The following FN1 variants were observed in gnomAD, a reference collection of about 807,000 sequenced individuals.
FN1 encodes fibronectin 1.
FN1 carries 106 observed loss-of-function variants against 297.3 expected under a neutral mutation model. The observed-to-expected ratio is 0.36, with a 90% CI of 0.30 to 0.42. The LOEUF (loss-of-function observed/expected upper bound fraction) is 0.42. Among genes scored for constraint, FN1 ranks in the 10% least tolerant of loss-of-function variants. The pLI, the probability that FN1 is intolerant of heterozygous loss-of-function variation, is 1.00. For synonymous variants in FN1, 1,149 were observed against 1,152.6 expected (o/e 1.00, Z 0.06); for missense variants, 2,690 against 3,124.9 (o/e 0.86, Z 3.32).
At chr2:215,361,807 A>T in intron 45 of FN1, 162 bp downstream of exon 45, 1 of 587,168 alleles carries the variant, frequency 1.7e-6, no homozygotes, top group African/African-American at 2.0e-5. Context: ...TACATAAATT[A>T]TAACTTAAAC....
intron 1 of FN1, 86 bp downstream of exon 1, chr2:215,435,569 C>T: frequency 6.4e-7 from 1 of 1,573,050 alleles, no homozygotes; most frequent in East Asian, 2.3e-5. Context: ...CACACACGCG[C>T]GCGCACAAAA....
In FN1 at chr2:215,406,416, G is replaced by C. The variant is rs76490370; in HGVS notation, c.2808C>G (p.Gly936=). Reference sequence around the variant, plus strand: ...TGACGGGGATCACATCCACACGGTAGCCGGTCACTGCACTCTCAGGCGGTG... The same window carrying C: ...TGACGGGGATCACATCCACACGGTACCCGGTCACTGCACTCTCAGGCGGTG... The part of the protein sequence containing the change: ...MWTPPESAVT[G]YRVDVIPVNL... Residue 936 remains glycine, a synonymous_variant, in exon 19 of 46, where the codon GGC becomes GGG. Transcript: ENST00000354785. 3.7e-4 allele frequency: 599 copies of C among 1,614,198 alleles called. 3 individuals carry two copies. In the African/African-American group the frequency reaches 7.4e-3, roughly 20 times the overall value.
At chr2:215,364,841 T>TA in intron 44 of FN1, 38 bp downstream of exon 44, 2 of 1,398,266 alleles carry the variant, frequency 1.4e-6, no homozygotes, top group Non-Finnish European at 2.0e-6. Flanking sequence ...CCCTTTATCT[T>TA]ATCTAACTTG....
At chr2:215,408,793 C>T (rs2062149446) in intron 15 of FN1, among the ~76,000 whole-genome samples, 1 of 152,126 alleles carries the variant, frequency 6.6e-6, no homozygotes, top group South Asian at 2.1e-4. Flanking sequence ...TGATCTCGAA[C>T]TCCTGGCCTC....
At chr2:215,401,259 A>AAAGAAAGAAAGAAAGGAAGG (rs1187788957) in intron 20 of FN1, among the ~76,000 whole-genome samples, 9 of 81,748 alleles carry the variant, frequency 1.1e-4, no homozygotes, top group African/African-American at 3.9e-4. Context: ...AGGAAGAAAG[A>AAAGAAAGAAAGAAAGGAAGG]AAGGAAGGAA....
Position 215,409,725 on chromosome 2 carries a change from C to T in FN1, c.2137G>A (p.Gly713Arg). ...AGAGGAGAAAAGGGAGTCGTCTCTC[C>T]TGTCACGGTGTTGCCTAGAGAGTCA... ...STPVTSNTVT[G>R]ETTPFSPLVA... The change falls in exon 15 of 46, where the codon GGA becomes AGA. Residue 713 changes from glycine (G) to arginine (R), a missense_variant. By Grantham distance (125) the Gly-to-Arg change is moderately radical (BLOSUM62 -2). Coordinates refer to ENST00000354785, the MANE Select transcript of FN1 (RefSeq NM_212482.4). The T allele has an allele frequency of 6.2e-7, 1 of 1,614,122 alleles. No homozygotes were observed. The highest frequency in any genetic ancestry group is 8.5e-7 in the Non-Finnish European group (1 of 1,180,006).
At chr2:215,417,711 C>T (rs1488779275) in intron 12 of FN1, among the ~76,000 whole-genome samples, 2 of 152,310 alleles carry the variant, frequency 1.3e-5, no homozygotes, top group East Asian at 3.9e-4. Flanking sequence ...CCGAAATCAC[C>T]TCTATGCTCA....
At position 215,372,279 on chromosome 2, in the gene FN1, G is replaced by T. The variant is rs759852217; in HGVS notation, c.6344C>A (p.Thr2115Asn). 3.1e-6 allele frequency: 5 copies of T among 1,614,210 alleles called. No homozygotes were observed. Among genetic ancestry groups the T allele is most frequent in the Non-Finnish European group, 4.2e-6 (5 of 1,180,034 alleles). Reference sequence around the variant, plus strand: ...ATTTCCAGTGTCATACCCAGGGTGGGTGACGAAAGGGGTCTTTTGAACTGT... The same window carrying T: ...ATTTCCAGTGTCATACCCAGGGTGGTTGACGAAAGGGGTCTTTTGAACTGT... ...PSTVQKTPFV[T>N]HPGYDTGNGI... The change falls in exon 40 of 46, where the codon ACC (threonine) becomes AAC (asparagine). Residue 2115 changes from threonine to asparagine, a missense_variant. By Grantham distance (65) the Thr-to-Asn change is moderately conservative. Coordinates refer to ENST00000354785, the MANE Select transcript of FN1 (RefSeq NM_212482.4).
Position 215,384,869 on chromosome 2 carries a change from C to T in FN1, c.4720G>A (p.Gly1574Arg), listed in dbSNP as rs764285223. 1.3e-5 allele frequency: 21 copies of T among 1,603,984 alleles called. No individual in the cohort carries two copies. The highest frequency in any genetic ancestry group is 3.3e-5 in the Admixed American group (2 of 59,986). Residue 1574 changes from glycine (G) to arginine (R), a missense_variant, in exon 29 of 46, where the codon GGA becomes AGA. Physicochemically the swap from Gly to Arg is moderately radical, Grantham distance 125. Around this residue, in one of 3 missense-constraint regions of FN1, gnomAD observed 1,743 missense variants for 1,945.2 expected, o/e 0.90. Coordinates refer to ENST00000354785, the MANE Select transcript of FN1 (RefSeq NM_212482.4). ...CATTTTACTGCTGTACCTGTCTCTC[C>T]GTAAGTGATCCTGTAATATCTCACT... ...VTVRYYRITY[G>R]ETGGNSPVQE... is the part of the protein sequence containing the mutation.
intron 39 of FN1, among the ~76,000 whole-genome samples, chr2:215,372,921 A>G (rs535501217): frequency 1.3e-5 from 2 of 152,346 alleles, no homozygotes; most frequent in South Asian, 4.1e-4. Context: ...AAAGTAAGAC[A>G]TTATTTAGCT....
intron 45 of FN1, 146 bp from the exon 46 acceptor site, chr2:215,361,772 T>TA: frequency 1.0e-6 from 1 of 990,888 alleles, no homozygotes; most frequent in Non-Finnish European, 1.6e-6. Flanking sequence ...AGCAGCATAC[T>TA]GGGCAATAGG....
At chr2:215,373,464 T>C (rs946902146) in intron 38 of FN1, 53 bp from the exon 39 acceptor site, 22 of 1,472,846 alleles carry the variant, frequency 1.5e-5, no homozygotes, top group Non-Finnish European at 2.0e-5. Context: ...GCTAGTCAAG[T>C]GGAAGTCGGT....
intron 44 of FN1, 37 bp from the exon 45 acceptor site, chr2:215,362,116 T>G: frequency 6.8e-7 from 1 of 1,475,254 alleles, no homozygotes; most frequent in Middle Eastern, 1.7e-4. Context: ...ATGGGGTTTA[T>G]GATAACCTGA....
chr2:215,420,541 A>G, intron 11 of FN1, 132 bp downstream of exon 11: 2 of 1,164,720 alleles, frequency 1.7e-6, no homozygotes, highest in South Asian at 1.3e-5. Context: ...AAGACTTTGC[A>G]AAGTTCTTTG....
At chr2:215,432,236 T>C (rs1299975141) in intron 3 of FN1, among the ~76,000 whole-genome samples, 2 of 151,774 alleles carry the variant, frequency 1.3e-5, no homozygotes, top group African/African-American at 4.8e-5. Context: ...TCACAGGAAA[T>C]TGGGTCCTAA....
intron 13 of FN1, among the ~76,000 whole-genome samples, chr2:215,411,620 A>G (rs753859477): frequency 6.6e-6 from 1 of 152,156 alleles, no homozygotes; most frequent in Admixed American, 6.5e-5. Context: ...AAAATCTCAA[A>G]AAATTCATCA....
At chr2:215,409,208 C>T (rs138278233) in intron 15 of FN1, among the ~76,000 whole-genome samples, 312 of 152,210 alleles carry the variant, frequency 2.0e-3, no homozygotes, top group Non-Finnish European at 3.6e-3. Flanking sequence ...AGGCCCCTCA[C>T]CATAACAATT....
chr2:215,395,888 C>A (rs1178213970), intron 23 of FN1, among the ~76,000 whole-genome samples: 1 of 136,970 alleles, frequency 7.3e-6, no homozygotes, highest in Non-Finnish European at 1.6e-5. Flanking sequence ...GATCCTGCTG[C>A]TAACAAGCAC....
Position 215,435,822 on chromosome 2 carries a change from G to A in FN1, c.-20C>T. The A allele has an allele frequency of 6.5e-7, 1 of 1,529,400 alleles. No individual in the cohort carries two copies. Among genetic ancestry groups the A allele is most frequent in the South Asian group, 1.2e-5 (1 of 83,846 alleles). 94.7% of individuals were successfully genotyped at this position (1,529,400 alleles called of 1,614,324 possible). A position where few individuals can be genotyped will look rare whatever the true frequency, so the allele number is the denominator to read the frequency against. On this transcript the variant is annotated 5_prime_UTR_variant, in exon 1 of 46. Transcript: ENST00000354785. ...AAGCATGTTGAGACGGTGGGGGAGA[G>A]ACGCCCGCACCGGGAGGCAAGTTGC... is the stretch of plus-strand genomic sequence containing the variant.
Sources: gnomAD v4.1 joint callset for allele counts (sites outside exome capture counted in the v4.1 genomes callset) on GRCh38, gnomAD v4.1.1 for gene constraint, gnomAD v4.1.1 regional missense constraint, MANE v1.5 for transcripts, NCBI Gene and HGNC (gene_info 2026-07-23, HGNC 2026-07-21) for gene names.